Variants in SYNPR observed in about 807,000 individuals in gnomAD.
SYNPR encodes the protein synaptoporin.
A neutral mutation model predicts 32.9 loss-of-function variants in SYNPR; 23 were observed. The observed-to-expected ratio is 0.70, with a 90% CI of 0.50 to 0.99. The LOEUF is 0.99. SYNPR is among the 50% of genes least tolerant of loss of function. The probability of loss-of-function intolerance (pLI) is 0.00; values close to 1 mark genes in which losing one functional copy is unlikely to be tolerated. For missense variants in SYNPR, 318 were observed against 349.3 expected, an observed-to-expected ratio of 0.91 and a Z score of 0.71; for synonymous variants, 146 against 135.9, an observed-to-expected ratio of 1.07 and a Z score of -0.52.
At chr3:63,378,491 C>G (rs1253403945) in intron 2 of SYNPR, among the ~76,000 whole-genome samples, 1 of 151,924 alleles carries the variant, frequency 6.6e-6, no homozygotes, top group Admixed American at 6.6e-5. Flanking sequence ...TCTGGGTTCT[C>G]TACTGTATTC....
intron 2 of SYNPR, among the ~76,000 whole-genome samples, chr3:63,410,497 A>T (rs1332441007): frequency 3.9e-5 from 6 of 152,196 alleles, no homozygotes; most frequent in Non-Finnish European, 8.8e-5. Context: ...AAATTGCCAT[A>T]GGCTCATTAC....
At chr3:63,211,793 T>C in the SYNPR span, among the ~76,000 whole-genome samples, 55 of 143,304 alleles carry the variant, frequency 3.8e-4, no homozygotes, top group Non-Finnish European at 6.5e-4. Context: ...TGTGCCATGC[T>C]GGTGCGCTGC....
intron 4 of SYNPR, among the ~76,000 whole-genome samples, chr3:63,567,276 G>C (rs1243853063): frequency 6.6e-6 from 1 of 152,120 alleles, no homozygotes; most frequent in African/African-American, 2.4e-5. Context: ...CCAGAGAACA[G>C]AAGTTTGAAT....
chr3:63,388,144 C>T (rs565424649), intron 2 of SYNPR, among the ~76,000 whole-genome samples: 2 of 151,954 alleles, frequency 1.3e-5, no homozygotes, highest in Admixed American at 6.6e-5. Flanking sequence ...GTGGGTTGTC[C>T]GAGGAAGAGT....
At chr3:63,344,000 A>T (rs568629256) in intron 2 of SYNPR, among the ~76,000 whole-genome samples, 1 of 152,382 alleles carries the variant, frequency 6.6e-6, no homozygotes, top group African/African-American at 2.4e-5. Context: ...TCACAGATGT[A>T]CATCATTAGG....
At chr3:63,406,262 T>A (rs978229999) in intron 2 of SYNPR, among the ~76,000 whole-genome samples, 1 of 151,486 alleles carries the variant, frequency 6.6e-6, no homozygotes, top group Non-Finnish European at 1.5e-5. Context: ...CATCCCTGTA[T>A]TTTCAGTGAG....
Position 63,347,009 on chromosome 3 carries a change from A to C in SYNPR, c.84+68267A>C, listed in dbSNP as rs377040560. On this transcript the variant is annotated intron_variant, in intron 2 of 5. Transcript: ENST00000478300. Reference sequence around the variant, plus strand: ...TGCAGCCATATACTGTGCTAAATCTATCTAGACTTCAGTTTCCTCATCTGC... The same window carrying C: ...TGCAGCCATATACTGTGCTAAATCTCTCTAGACTTCAGTTTCCTCATCTGC... Among the ~76,000 whole-genome samples, 11 of 152,316 alleles carry C rather than the reference A, an allele frequency of 7.2e-5. No homozygotes were observed. The South Asian group carries it at 2.3e-3, about 32-fold the overall frequency.
At chr3:63,292,213 TA>T in intron 2 of SYNPR, among the ~76,000 whole-genome samples, 1 of 152,334 alleles carries the variant, frequency 6.6e-6, no homozygotes, top group Non-Finnish European at 1.5e-5. Context: ...GCTAGTGCTT[TA>T]AAAAAATTTT....
chr3:63,286,399 G>A (rs1182221733), intron 2 of SYNPR, among the ~76,000 whole-genome samples: 1 of 152,198 alleles, frequency 6.6e-6, no homozygotes, highest in African/African-American at 2.4e-5. Context: ...TCTCCAGGAT[G>A]TGCTGAGGGT....
At chr3:63,357,755 A>G (rs766516877) in intron 2 of SYNPR, among the ~76,000 whole-genome samples, 1 of 152,130 alleles carries the variant, frequency 6.6e-6, no homozygotes, top group Non-Finnish European at 1.5e-5. Flanking sequence ...TTCAGATTCA[A>G]TTAGTCTATT....
intron 2 of SYNPR, among the ~76,000 whole-genome samples, chr3:63,364,314 G>T (rs964637588): frequency 6.6e-6 from 1 of 152,110 alleles, no homozygotes; most frequent in South Asian, 2.1e-4. Flanking sequence ...TAAAAAGGTG[G>T]GGTAATGAGA....
chr3:63,404,678 A>C (rs1250930944), intron 2 of SYNPR, among the ~76,000 whole-genome samples: 1 of 152,124 alleles, frequency 6.6e-6, no homozygotes, highest in African/African-American at 2.4e-5. Context: ...AAGATATTTT[A>C]ATTATATTTA....
chr3:63,265,241 CTTTTT>C (rs71126590), intron 2 of SYNPR, among the ~76,000 whole-genome samples: 17 of 102,198 alleles, frequency 1.7e-4, no homozygotes, highest in South Asian at 7.9e-4. Context: ...TAATGACATT[CTTTTT>C]TTTTTTTTTT....
rs778332984 is a variant in SYNPR, at chr3:63,609,193, G to C, written c.477G>C (p.Leu159=). The C allele has an allele frequency of 7.4e-6, 12 of 1,611,142 alleles. No individual in the cohort carries two copies. Among genetic ancestry groups the C allele is most frequent in the Non-Finnish European group, 9.3e-6 (11 of 1,178,726 alleles). Reference sequence around the variant, plus strand: ...GTTCATCAGCTTGGGCAAAAGGACTGTCTGACGTCAAAGTTGCAACGGATC... The same window carrying C: ...GTTCATCAGCTTGGGCAAAAGGACTCTCTGACGTCAAAGTTGCAACGGATC... ...LVGSSAWAKG[L]SDVKVATDPK... Residue 159 remains leucine (L), a synonymous_variant, in exon 5 of 6, where the codon CTG becomes CTC. Coordinates refer to ENST00000478300, the MANE Select transcript of SYNPR (RefSeq NM_001130003.2).
At chr3:63,482,368 C>A (rs546507249) in intron 3 of SYNPR, among the ~76,000 whole-genome samples, 8 of 152,260 alleles carry the variant, frequency 5.3e-5, no homozygotes, top group Non-Finnish European at 1.2e-4. Context: ...TTTAGTAGCA[C>A]AGCTTTTCTT....
intron 3 of SYNPR, among the ~76,000 whole-genome samples, chr3:63,539,025 A>G (rs189946025): frequency 3.7e-4 from 57 of 152,240 alleles, no homozygotes; most frequent in Admixed American, 1.2e-3. Flanking sequence ...ACTTAACTAG[A>G]TTCCTGATTT....
intron 2 of SYNPR, among the ~76,000 whole-genome samples, chr3:63,358,787 C>T (rs2087618867): frequency 6.6e-6 from 1 of 152,150 alleles, no homozygotes; most frequent in Non-Finnish European, 1.5e-5. Context: ...AAGGTAGGTT[C>T]TACTATTGTC....
At chr3:63,218,215 C>T in the SYNPR span, among the ~76,000 whole-genome samples, 2 of 152,174 alleles carry the variant, frequency 1.3e-5, no homozygotes, top group South Asian at 2.1e-4. Context: ...GGAGCAAATA[C>T]TAGAAATGAA....
chr3:63,520,333 G>A (rs1249051915), intron 3 of SYNPR, among the ~76,000 whole-genome samples: 1 of 152,164 alleles, frequency 6.6e-6, no homozygotes, highest in South Asian at 2.1e-4. Flanking sequence ...CAGGACAGCT[G>A]TATAACTTAT....
Sources: gnomAD v4.1 joint callset for allele counts (sites outside exome capture counted in the v4.1 genomes callset) on GRCh38, gnomAD v4.1.1 for gene constraint, MANE v1.5 for transcripts, NCBI Gene and HGNC (gene_info 2026-07-23, HGNC 2026-07-21) for gene names.